Variants in CTNNA2 observed in about 807,000 individuals in gnomAD.
CTNNA2 encodes catenin alpha 2.
CTNNA2 carries 42 observed loss-of-function variants against 101.0 expected under a neutral mutation model. The observed-to-expected ratio is 0.42, with a 90% CI of 0.32 to 0.54. The LOEUF (loss-of-function observed/expected upper bound fraction) is 0.54, where lower values mean the gene tolerates loss of function less well. Among genes scored for constraint, CTNNA2 ranks in the 20% least tolerant of loss-of-function variants. CTNNA2 has a pLI of 0.14. For synonymous variants in CTNNA2, 450 were observed against 456.4 expected (o/e 0.99, Z 0.18); for missense variants, 871 against 1,223.1 (o/e 0.71, Z 4.29).
intron 2 of CTNNA2, among the ~76,000 whole-genome samples, chr2:79,694,827 A>T (rs1204381433): frequency 6.6e-6 from 1 of 151,936 alleles, no homozygotes; most frequent in East Asian, 1.9e-4. Context: ...GTCTTTAAGA[A>T]CTTCTGAGTT....
chr2:80,303,339 G>T lies in CTNNA2; in HGVS notation c.1057-89872G>T, dbSNP rs769586244. The T allele has an allele frequency of 9.9e-6, 16 of 1,613,954 alleles. No individual in the cohort carries two copies. The East Asian group carries it at 1.1e-4, about 11-fold the overall frequency. ...CGCATATGCAGCGTGGTGAGCTTCC[G>T]CAGCCCGTGGAAGAGGTCGGGCGCG... is the stretch of plus-strand genomic sequence containing the variant. On this transcript the variant is annotated intron_variant, in intron 7 of 18. Transcript: ENST00000402739. The surrounding 1 kb of genome is among the most constrained non-coding windows in gnomAD (Gnocchi z 7.7).
chr2:79,235,706 C>T (rs78782552), intron 2 of CTNNA2, among the ~76,000 whole-genome samples: 4,131 of 152,220 alleles, frequency 0.027, 87 homozygotes, highest in Middle Eastern at 0.065. Context: ...TGCAAGTCAG[C>T]AAGTTCCATT....
intron 7 of CTNNA2, among the ~76,000 whole-genome samples, chr2:79,911,613 G>T (rs1046211930): frequency 1.3e-5 from 2 of 152,066 alleles, no homozygotes; most frequent in African/African-American, 2.4e-5. Flanking sequence ...TTTTCTGTTC[G>T]CAGCCTCGTG....
intron 2 of CTNNA2, among the ~76,000 whole-genome samples, chr2:79,692,701 G>A (rs1357194630): frequency 1.3e-5 from 2 of 151,800 alleles, no homozygotes; most frequent in African/African-American, 4.8e-5. Flanking sequence ...GCCATAAAAA[G>A]GGTGAGTTCA....
At chr2:80,537,889 G>T (rs565728139) in intron 9 of CTNNA2, among the ~76,000 whole-genome samples, 1 of 152,034 alleles carries the variant, frequency 6.6e-6, no homozygotes, top group South Asian at 2.1e-4. Flanking sequence ...CACCACACCC[G>T]CCCTGTTTCC....
chr2:79,975,529 T>G (rs1690775753), intron 7 of CTNNA2, among the ~76,000 whole-genome samples: 2 of 152,090 alleles, frequency 1.3e-5, no homozygotes, highest in African/African-American at 2.4e-5. Context: ...CTCAGTCCCA[T>G]GAGGCTGTCC....
chr2:80,165,885 C>T (rs1296984551), intron 7 of CTNNA2, among the ~76,000 whole-genome samples: 2 of 152,154 alleles, frequency 1.3e-5, no homozygotes, highest in African/African-American at 4.8e-5. Context: ...GTCATTACAG[C>T]CTCATAAGGG....
intron 4 of CTNNA2, among the ~76,000 whole-genome samples, chr2:79,425,009 G>A (rs1678579119): frequency 6.6e-6 from 1 of 152,128 alleles, no homozygotes; most frequent in Non-Finnish European, 1.5e-5. Flanking sequence ...GCAGCTGGTA[G>A]TAAAATAAAA....
At chr2:79,984,658 A>C (rs936726464) in intron 7 of CTNNA2, among the ~76,000 whole-genome samples, 3 of 152,144 alleles carry the variant, frequency 2.0e-5, no homozygotes, top group Non-Finnish European at 4.4e-5. Context: ...CAGTGTGCTG[A>C]GGGCAGAGGG....
intron 2 of CTNNA2, among the ~76,000 whole-genome samples, chr2:79,275,560 CT>C (rs1015023791): frequency 2.6e-5 from 4 of 151,616 alleles, no homozygotes; most frequent in African/African-American, 7.3e-5. Flanking sequence ...AAAAAAGGAT[CT>C]TTTTTTCAGG....
At chr2:79,993,461 G>T (rs1472526748) in intron 7 of CTNNA2, among the ~76,000 whole-genome samples, 1 of 152,208 alleles carries the variant, frequency 6.6e-6, no homozygotes, top group Non-Finnish European at 1.5e-5. Flanking sequence ...TTTCCAATTT[G>T]TTGCCCTCGG....
chr2:79,388,788 T>G (rs772552171), intron 4 of CTNNA2, among the ~76,000 whole-genome samples: 3 of 152,066 alleles, frequency 2.0e-5, no homozygotes, highest in Non-Finnish European at 4.4e-5. Context: ...CTCCTCTTTT[T>G]TTTTTAATTT....
chr2:79,678,349 C>T (rs1683328421), intron 2 of CTNNA2, among the ~76,000 whole-genome samples: 1 of 151,940 alleles, frequency 6.6e-6, no homozygotes, highest in Admixed American at 6.6e-5. Context: ...CGAGTACAGC[C>T]TAGGCAACAT....
chr2:80,077,509 G>A (rs935173882), intron 7 of CTNNA2, among the ~76,000 whole-genome samples: 2 of 151,672 alleles, frequency 1.3e-5, no homozygotes, highest in Non-Finnish European at 2.9e-5. Flanking sequence ...AGCACTTTGG[G>A]AGGCCAAGGC....
At chr2:79,311,066 T>C (rs975102174) in intron 2 of CTNNA2, among the ~76,000 whole-genome samples, 13 of 152,240 alleles carry the variant, frequency 8.5e-5, no homozygotes, top group Admixed American at 7.2e-4. Context: ...AGCCCAACAG[T>C]AGGAAGCTCT....
chr2:80,623,277 G>A (rs924875411), intron 18 of CTNNA2, among the ~76,000 whole-genome samples: 1 of 151,778 alleles, frequency 6.6e-6, no homozygotes, highest in African/African-American at 2.4e-5. Context: ...TGGAAAACAA[G>A]CACGTGAACT....
At chr2:79,973,103 A>G (rs1188292795) in intron 7 of CTNNA2, among the ~76,000 whole-genome samples, 1 of 152,102 alleles carries the variant, frequency 6.6e-6, no homozygotes, top group Non-Finnish European at 1.5e-5. Context: ...ATTGCCCTGA[A>G]ATAAATTCTC....
intron 3 of CTNNA2, among the ~76,000 whole-genome samples, chr2:79,336,018 C>T (rs1199889998): frequency 6.6e-6 from 1 of 152,158 alleles, no homozygotes; most frequent in Non-Finnish European, 1.5e-5. Flanking sequence ...AATAAATCTG[C>T]AAACAAAACT....
At chr2:79,641,230 G>C (rs891609597) in intron 1 of CTNNA2, among the ~76,000 whole-genome samples, 3 of 152,106 alleles carry the variant, frequency 2.0e-5, no homozygotes. Flanking sequence ...TAATTAGTTT[G>C]GGCTAAATTT....
Sources: gnomAD v4.1 joint callset for allele counts (sites outside exome capture counted in the v4.1 genomes callset) on GRCh38, gnomAD v4.1.1 for gene constraint, Gnocchi (gnomAD v3.1) non-coding constraint, MANE v1.5 for transcripts, NCBI Gene and HGNC (gene_info 2026-07-23, HGNC 2026-07-21) for gene names.